The following VPS50 variants were observed in gnomAD, a reference collection of about 807,000 sequenced individuals.
VPS50 encodes VPS50 subunit of EARP/GARPII complex, also known as syndetin.
VPS50 carries 70 observed loss-of-function variants against 139.7 expected under a neutral mutation model. The observed-to-expected ratio is 0.50, with a 90% CI of 0.41 to 0.61. The LOEUF (loss-of-function observed/expected upper bound fraction) is 0.61. Ranked by LOEUF, VPS50 falls within the 20% of genes least tolerant of loss-of-function variation. The pLI is 0.00. For synonymous variants in VPS50, 365 were observed against 376.7 expected, an observed-to-expected ratio of 0.97 and a Z score of 0.36; for missense variants, 921 against 1,133.7, an observed-to-expected ratio of 0.81 and a Z score of 2.69.
At position 93,311,189 on chromosome 7, in the gene VPS50, G is replaced by T. The variant is rs768378408; in HGVS notation, c.1772G>T (p.Ser591Ile). ...VKSVSRETLK[S>I]RKKSDYSLNK... ...AGTGTTTCTCGGGAAACTCTAAAAA[G>T]CAGGAAGAAATCAGATTACAGTCTA... Residue 591 changes from serine (S) to isoleucine (I), a missense_variant, in exon 20 of 28, where the codon AGC becomes ATC. This residue lies in a region of VPS50 where 744 missense variants were observed against 930.6 expected (regional missense o/e 0.80). Coordinates refer to ENST00000305866, the MANE Select transcript of VPS50 (RefSeq NM_017667.4). The T allele has an allele frequency of 5.1e-5, 69 of 1,350,512 alleles. No individual in the cohort carries two copies. In the South Asian group the frequency reaches 7.6e-4, roughly 15 times the overall value. 83.7% of individuals were successfully genotyped at this position (1,350,512 alleles called of 1,614,324 possible).
At chr7:93,344,254 G>T (rs1001460931) in intron 23 of VPS50, among the ~76,000 whole-genome samples, 5 of 152,118 alleles carry the variant, frequency 3.3e-5, no homozygotes, top group Non-Finnish European at 7.4e-5. Context: ...TAATGATAAA[G>T]GGATCAATTC....
At chr7:93,248,470 T>C (rs985461498) in intron 2 of VPS50, among the ~76,000 whole-genome samples, 3 of 152,102 alleles carry the variant, frequency 2.0e-5, no homozygotes, top group Non-Finnish European at 2.9e-5. Flanking sequence ...ATTTTTCTAA[T>C]TTACATGTGT....
chr7:93,296,315 C>A (rs1209807466), intron 14 of VPS50, among the ~76,000 whole-genome samples: 2 of 152,000 alleles, frequency 1.3e-5, no homozygotes, highest in East Asian at 1.9e-4. Flanking sequence ...TGGATTTAGG[C>A]TGACTGTTTT....
chr7:93,344,612 A>C (rs550294894), intron 23 of VPS50, among the ~76,000 whole-genome samples: 392 of 151,908 alleles, frequency 2.6e-3, no homozygotes, highest in African/African-American at 9.0e-3. Context: ...GTAAAAGAAC[A>C]GAAATTATAA....
chr7:93,284,483 G>T (rs114242352), intron 12 of VPS50, among the ~76,000 whole-genome samples: 1 of 151,944 alleles, frequency 6.6e-6, no homozygotes, highest in African/African-American at 2.4e-5. Flanking sequence ...CAATTTAACG[G>T]GTGCTAGTTA....
chr7:93,323,711 C>T lies in VPS50; in HGVS notation c.1956C>T (p.Thr652=), dbSNP rs970981781. The T allele has an allele frequency of 4.9e-6, 7 of 1,424,796 alleles. No individual in the cohort carries two copies. In the South Asian group the frequency reaches 7.4e-5, roughly 15 times the overall value. The allele number at this position is 1,424,796 out of a possible 1,614,324, so 88.3% of individuals were successfully genotyped here. ...LFDYYLYAIY[T]FFGRNDSLES... ...ATTATTACTTGTATGCAATATATACCTTTTTTGGTCGGAATGATTCAGTAA... is the reference window on the plus strand; with the variant it reads ...ATTATTACTTGTATGCAATATATACTTTTTTTGGTCGGAATGATTCAGTAA... The change falls in exon 21 of 28, where the codon ACC becomes ACT. Residue 652 remains threonine (T), a synonymous_variant. Transcript: ENST00000305866.
chr7:93,250,706 A>T, intron 2 of VPS50, among the ~76,000 whole-genome samples: 1 of 152,232 alleles, frequency 6.6e-6, no homozygotes, highest in Middle Eastern at 3.2e-3. Context: ...GATCTGATTA[A>T]ACTAAAGAGC....
At chr7:93,241,528 A>C (rs1330292876) in intron 2 of VPS50, among the ~76,000 whole-genome samples, 1 of 152,152 alleles carries the variant, frequency 6.6e-6, no homozygotes, top group Non-Finnish European at 1.5e-5. Context: ...CCTTACACTA[A>C]GAAATCCCTA....
At position 93,306,022 on chromosome 7, in the gene VPS50, A is replaced by G. The variant is rs749842090; in HGVS notation, c.1629+18A>G. 6.3e-7 allele frequency: 1 copy of G among 1,583,450 alleles called. No individual in the cohort carries two copies. Among genetic ancestry groups the G allele is most frequent in the South Asian group, 1.1e-5 (1 of 89,244 alleles). On this transcript the variant is annotated intron_variant, in intron 18 of 27. Coordinates refer to ENST00000305866, the MANE Select transcript of VPS50 (RefSeq NM_017667.4). ...CTAATGGGGTATGTGGTGTATGTGAAACATAAGTGAGTTTTTTTTATTTAA... is the reference window on the plus strand; with the variant it reads ...CTAATGGGGTATGTGGTGTATGTGAGACATAAGTGAGTTTTTTTTATTTAA...
chr7:93,261,314 A>G lies in VPS50; in HGVS notation c.659+1682A>G, dbSNP rs1020037947. On this transcript the variant is annotated intron_variant, in intron 9 of 27. Coordinates refer to ENST00000305866, the MANE Select transcript of VPS50 (RefSeq NM_017667.4). ...GTGATAAACCACATACAGTGTAATC[A>G]GTATAATCCTTGGTTTCATAAAGAA... Among the ~76,000 whole-genome samples the G allele has an allele frequency of 1.1e-4, 16 of 152,322 alleles. No individual in the cohort carries two copies. In the South Asian group the frequency reaches 1.2e-3, roughly 12 times the overall value.
At chr7:93,290,782 T>G (rs1796626253) in intron 12 of VPS50, among the ~76,000 whole-genome samples, 1 of 151,836 alleles carries the variant, frequency 6.6e-6, no homozygotes, top group Non-Finnish European at 1.5e-5. Flanking sequence ...GGTGAATGAG[T>G]TTAGAGGGAG....
chr7:93,316,497 G>A (rs1280332101), intron 20 of VPS50, among the ~76,000 whole-genome samples: 2 of 152,202 alleles, frequency 1.3e-5, no homozygotes, highest in African/African-American at 4.8e-5. Context: ...GGATATGGAT[G>A]GCAGTGGCCA....
intron 17 of VPS50, among the ~76,000 whole-genome samples, chr7:93,303,858 T>C (rs2116969894): frequency 6.6e-6 from 1 of 152,012 alleles, no homozygotes; most frequent in African/African-American, 2.4e-5. Flanking sequence ...GTGACTGCTG[T>C]ATTTAAGTTT....
chr7:93,328,721 A>C (rs1227404419), intron 21 of VPS50, among the ~76,000 whole-genome samples: 18 of 152,328 alleles, frequency 1.2e-4, no homozygotes. Context: ...GAACAAGCAC[A>C]AGAAAACCTG....
chr7:93,349,878 G>A lies in VPS50; in HGVS notation c.2308G>A (p.Val770Ile), dbSNP rs770224866. 1.2e-6 allele frequency: 2 copies of A among 1,608,986 alleles called. No individual in the cohort carries two copies. The highest frequency in any genetic ancestry group is 1.1e-5 in the South Asian group (1 of 89,622). The change falls in exon 25 of 28, where the codon GTC becomes ATC. Residue 770 changes from valine to isoleucine, a missense_variant. This residue lies in a region of VPS50 where 744 missense variants were observed against 930.6 expected (regional missense o/e 0.80). Transcript: ENST00000305866. Reference sequence around the variant, plus strand: ...ATTTTTGTGAAATTTATTTCAGACAGTCTCAACCGCCAGTGAACTACGGAA... The same window carrying A: ...ATTTTTGTGAAATTTATTTCAGACAATCTCAACCGCCAGTGAACTACGGAA... ...PFLQQFYSQT[V>I]STASELRKPI... is the part of the protein sequence containing the mutation.
chr7:93,251,502 C>T (rs1795330766), intron 2 of VPS50, among the ~76,000 whole-genome samples: 1 of 144,722 alleles, frequency 6.9e-6, no homozygotes, highest in African/African-American at 2.6e-5. Context: ...GAACGTCACA[C>T]ACTGGGGCTT....
chr7:93,296,336 T>C (rs1053884418), intron 14 of VPS50, among the ~76,000 whole-genome samples: 13 of 152,174 alleles, frequency 8.5e-5, no homozygotes, highest in Non-Finnish European at 1.3e-4. Context: ...CTGAGTATTA[T>C]GCATAAAAAG....
intron 14 of VPS50, among the ~76,000 whole-genome samples, chr7:93,295,150 A>G (rs768982218): frequency 4.6e-5 from 7 of 152,272 alleles, no homozygotes; most frequent in Admixed American, 6.5e-5. Flanking sequence ...TTGGGCTCCT[A>G]TAACAAAATA....
chr7:93,232,606 G>C, intron 1 of VPS50, 106 bp downstream of exon 1: 5 of 1,021,550 alleles, frequency 4.9e-6, no homozygotes, highest in Non-Finnish European at 7.6e-6. Flanking sequence ...GTTATGGGTG[G>C]TGGCAGGTGT....
Sources: allele counts gnomAD v4.1 joint callset (sites outside exome capture counted in the v4.1 genomes callset), GRCh38; gene constraint gnomAD v4.1.1; regional missense constraint gnomAD v4.1.1; transcripts MANE v1.5; gene names NCBI Gene and HGNC (gene_info 2026-07-23, HGNC 2026-07-21).